Variants in NWD2 observed in about 807,000 individuals in gnomAD.
The protein encoded by NWD2 is NACHT and WD repeat domain-containing protein 2.
Under a neutral mutation model 132.7 loss-of-function variants are expected in NWD2, and 37 were observed. That is an observed-to-expected ratio of 0.28 (90% CI 0.21 to 0.37). The LOEUF is 0.37. NWD2 is among the 10% of genes least tolerant of loss of function. NWD2 has a pLI of 1.00. For synonymous variants in NWD2, 705 were observed against 803.0 expected (o/e 0.88, Z 2.06); for missense variants, 1,592 against 2,122.4 (o/e 0.75, Z 4.91).
chr4:37,379,844 G>A (rs530818024), intron 3 of NWD2, among the ~76,000 whole-genome samples: 7 of 152,148 alleles, frequency 4.6e-5, no homozygotes, highest in African/African-American at 9.6e-5. Flanking sequence ...CATCCCACCC[G>A]CAGAGGCCCT....
intron 3 of NWD2, among the ~76,000 whole-genome samples, chr4:37,428,691 C>G (rs1470746493): frequency 6.6e-6 from 1 of 152,224 alleles, no homozygotes; most frequent in African/African-American, 2.4e-5. Flanking sequence ...CAGACACTCT[C>G]AGCAACCTTG....
chr4:37,431,295 T>C (rs115918314), intron 4 of NWD2, among the ~76,000 whole-genome samples: 2,901 of 152,196 alleles, frequency 0.019, 91 homozygotes, highest in African/African-American at 0.066. Flanking sequence ...AGAAGGAAAT[T>C]AAGGAACATT....
chr4:37,397,788 C>CCTCTCTCT (rs113226816), intron 3 of NWD2, among the ~76,000 whole-genome samples: 33 of 148,786 alleles, frequency 2.2e-4, no homozygotes, highest in African/African-American at 7.9e-4. Context: ...CTGGGAACAG[C>CCTCTCTCT]CTCTCTCTCT....
Position 37,281,023 on chromosome 4 carries a change from TA to T in NWD2, c.151+35806del, listed in dbSNP as rs889888022. Reference sequence around the variant, plus strand: ...TTAGCCTCCTGGCTGTGGGAGAGAGTAGGTAGAGAGGGTGGGGAGTGGGTCT... The same window carrying T: ...TTAGCCTCCTGGCTGTGGGAGAGAGTGGTAGAGAGGGTGGGGAGTGGGTCT... On this transcript the variant is annotated intron_variant, in intron 1 of 6. Transcript: ENST00000309447. Among the ~76,000 whole-genome samples the T allele has an allele frequency of 5.3e-5, 8 of 149,854 alleles. No individual in the cohort carries two copies. The South Asian group carries it at 6.4e-4, about 12-fold the overall frequency.
At chr4:37,270,772 C>T (rs913427570) in intron 1 of NWD2, among the ~76,000 whole-genome samples, 3 of 151,598 alleles carry the variant, frequency 2.0e-5, no homozygotes, top group African/African-American at 7.3e-5. Flanking sequence ...ATTTTGGTGA[C>T]AAATTTATCA....
At chr4:37,404,807 A>G (rs906334161) in intron 3 of NWD2, among the ~76,000 whole-genome samples, 1 of 152,224 alleles carries the variant, frequency 6.6e-6, no homozygotes, top group African/African-American at 2.4e-5. Flanking sequence ...GACGTCTTAC[A>G]AGGTGGAACA....
intron 3 of NWD2, among the ~76,000 whole-genome samples, chr4:37,409,675 G>T (rs7666683): frequency 1.3e-5 from 2 of 152,022 alleles, no homozygotes; most frequent in Non-Finnish European, 2.9e-5. Flanking sequence ...GATACTCCTC[G>T]AGAAGAGCAA....
intron 1 of NWD2, among the ~76,000 whole-genome samples, chr4:37,262,532 T>A (rs1717660805): frequency 6.6e-6 from 1 of 152,174 alleles, no homozygotes; most frequent in Non-Finnish European, 1.5e-5. Flanking sequence ...GGGATGTACA[T>A]TTTCTAGTAG....
intron 3 of NWD2, among the ~76,000 whole-genome samples, chr4:37,427,720 C>A (rs1712047256): frequency 6.6e-6 from 1 of 152,118 alleles, no homozygotes; most frequent in African/African-American, 2.4e-5. Flanking sequence ...TCATTGAGGC[C>A]AGTACTGAGG....
intron 4 of NWD2, among the ~76,000 whole-genome samples, chr4:37,431,850 G>A (rs1367571400): frequency 6.6e-6 from 1 of 151,984 alleles, no homozygotes; most frequent in Non-Finnish European, 1.5e-5. Context: ...TCCTCCTGAA[G>A]TATACCTTTT....
intron 1 of NWD2, among the ~76,000 whole-genome samples, chr4:37,273,087 T>C (rs1324351018): frequency 6.6e-6 from 1 of 151,886 alleles, no homozygotes. Flanking sequence ...AAGGCTGGTC[T>C]ACTAGCAGCA....
chr4:37,299,638 A>T (rs1323004823), intron 1 of NWD2, among the ~76,000 whole-genome samples: 1 of 152,042 alleles, frequency 6.6e-6, no homozygotes, highest in Non-Finnish European at 1.5e-5. Context: ...CACCTAGCAG[A>T]GTGTTGGGTG....
chr4:37,412,849 TTGACAATCC>T lies in NWD2; in HGVS notation c.358-17717_358-17709del, dbSNP rs1291541236. ...CCACACATCTACAACCATCTGATCT[TTGACAATCC>T]TGACACAAACAAGCAATGGGGAAAA... On this transcript the variant is annotated intron_variant, in intron 3 of 6. Transcript: ENST00000309447. Among the ~76,000 whole-genome samples, 10 of 152,304 alleles carry T rather than the reference TTGACAATCC, an allele frequency of 6.6e-5. No homozygotes were observed. In the East Asian group the frequency reaches 1.9e-3, roughly 29 times the overall value.
chr4:37,314,682 C>G (rs1335017463), intron 1 of NWD2, among the ~76,000 whole-genome samples: 1 of 152,098 alleles, frequency 6.6e-6, no homozygotes, highest in Non-Finnish European at 1.5e-5. Flanking sequence ...GTCAACCTAG[C>G]TGACAGTTGA....
At chr4:37,353,064 C>T (rs1026207356) in intron 2 of NWD2, among the ~76,000 whole-genome samples, 2 of 152,132 alleles carry the variant, frequency 1.3e-5, no homozygotes, top group Admixed American at 1.3e-4. Flanking sequence ...GACAAAATCT[C>T]TCAGCATTTG....
intron 2 of NWD2, among the ~76,000 whole-genome samples, chr4:37,351,670 ATCTCCTTC>A: frequency 6.6e-6 from 1 of 151,884 alleles, no homozygotes; most frequent in Non-Finnish European, 1.5e-5. Context: ...TCTTGTCTCT[ATCTCCTTC>A]AGTTCTGCTC....
chr4:37,299,490 T>C (rs535039052), intron 1 of NWD2, among the ~76,000 whole-genome samples: 5 of 152,260 alleles, frequency 3.3e-5, no homozygotes, highest in African/African-American at 1.2e-4. Flanking sequence ...TCAAAATCAG[T>C]CTTGTATCTA....
chr4:37,384,022 A>G (rs1392061652), intron 3 of NWD2, among the ~76,000 whole-genome samples: 1 of 152,084 alleles, frequency 6.6e-6, no homozygotes, highest in Non-Finnish European at 1.5e-5. Context: ...ATAGGTAAAC[A>G]TGTCTCATGG....
rs951782182 is a variant in NWD2, at chr4:37,443,457, A to G, written c.1469A>G (p.His490Arg). The G allele has an allele frequency of 5.2e-6, 8 of 1,552,300 alleles. No homozygotes were observed. Among genetic ancestry groups the G allele is most frequent in the Non-Finnish European group, 7.0e-6 (8 of 1,147,136 alleles). Residue 490 changes from histidine (H) to arginine (R), a missense_variant, in exon 7 of 7, where the codon CAT (histidine) becomes CGT (arginine). By Grantham distance (29) the His-to-Arg change is conservative (BLOSUM62 0). Transcript: ENST00000309447. This position sits in a 1 kb window ranked among gnomAD's most constrained non-coding sequence, Gnocchi z 4.1. ...CLVQSYPKKI[H>R]DLCDLFINLL... ...GTTCAAAGCTACCCTAAGAAGATCC[A>G]TGACCTCTGTGACTTATTTATAAAT...
Sources: allele counts gnomAD v4.1 joint callset (sites outside exome capture counted in the v4.1 genomes callset), GRCh38; gene constraint gnomAD v4.1.1; non-coding constraint Gnocchi (gnomAD v3.1); transcripts MANE v1.5; gene names NCBI Gene and HGNC (gene_info 2026-07-23, HGNC 2026-07-21).